The following HMG20A variants were observed in gnomAD, a reference collection of about 807,000 sequenced individuals.
HMG20A encodes high mobility group protein 20A.
HMG20A carries 17 observed loss-of-function variants against 43.9 expected under a neutral mutation model. The observed-to-expected ratio is 0.39, with a 90% CI of 0.27 to 0.58. The LOEUF is 0.58. HMG20A is among the 20% of genes least tolerant of loss of function. The probability of loss-of-function intolerance (pLI) is 0.59; values close to 1 mark genes in which losing one functional copy is unlikely to be tolerated. For synonymous variants in HMG20A, 132 were observed against 147.5 expected, an observed-to-expected ratio of 0.89 and a Z score of 0.76; for missense variants, 341 against 438.2, an observed-to-expected ratio of 0.78 and a Z score of 1.98.
At position 77,480,655 on chromosome 15, in the gene HMG20A, C is replaced by CA. The variant is rs1283631549; in HGVS notation, c.*6+1340dup. Among the ~76,000 whole-genome samples the CA allele has an allele frequency of 3.5e-5, 5 of 143,354 alleles. No homozygotes were observed. The South Asian group carries it at 8.9e-4, about 26-fold the overall frequency. The allele number at this position is 143,354 out of a possible 152,430, so 94.0% of individuals were successfully genotyped here. ...ATAAAAATATAAAATTCTCAATAAG[C>CA]AAAAAAGAGAGAGAAAATAAGTTTT... On this transcript the variant is annotated intron_variant, in intron 9 of 9. Transcript: ENST00000336216.
the HMG20A span, among the ~76,000 whole-genome samples, chr15:77,498,616 G>A: frequency 6.6e-6 from 1 of 152,286 alleles, no homozygotes; most frequent in African/African-American, 2.4e-5. Context: ...ATCCGGTTCT[G>A]CCGCTTGTTA....
chr15:77,471,835 A>T (rs1324839589), intron 6 of HMG20A, 21 bp downstream of exon 6: 1 of 1,387,028 alleles, frequency 7.2e-7, no homozygotes, highest in East Asian at 2.3e-5. Flanking sequence ...ATCTGTCTAC[A>T]TATCATATAT....
chr15:77,519,460 C>A, the HMG20A span, among the ~76,000 whole-genome samples: 1 of 152,264 alleles, frequency 6.6e-6, no homozygotes, highest in African/African-American at 2.4e-5. Context: ...GAACTTGATC[C>A]CCAGTGTGAT....
chr15:77,512,261 G>A, the HMG20A span, among the ~76,000 whole-genome samples: 2 of 152,074 alleles, frequency 1.3e-5, no homozygotes, highest in African/African-American at 4.8e-5. Context: ...GGTGGGGGGA[G>A]GAGGCATTGT....
intron 1 of HMG20A, among the ~76,000 whole-genome samples, chr15:77,426,449 A>T (rs943706012): frequency 6.6e-6 from 1 of 152,198 alleles, no homozygotes; most frequent in Non-Finnish European, 1.5e-5. Flanking sequence ...TAAGAAAATG[A>T]TAAGGAAGAA....
At chr15:77,453,618 A>C (rs751710545) in intron 1 of HMG20A, among the ~76,000 whole-genome samples, 6 of 152,266 alleles carry the variant, frequency 3.9e-5, no homozygotes, top group Non-Finnish European at 8.8e-5. Flanking sequence ...AAAAATTTAT[A>C]CACAAATGTT....
At chr15:77,422,703 T>C (rs2073383707) in intron 1 of HMG20A, among the ~76,000 whole-genome samples, 1 of 152,178 alleles carries the variant, frequency 6.6e-6, no homozygotes, top group Admixed American at 6.5e-5. Context: ...AAAAAATACA[T>C]GTTTTAATCT....
intron 2 of HMG20A, among the ~76,000 whole-genome samples, chr15:77,462,994 ACTC>A (rs1454134804): frequency 1.3e-5 from 2 of 150,502 alleles, no homozygotes; most frequent in Non-Finnish European, 3.0e-5. Context: ...CTGGCTTTGA[ACTC>A]CTGACCTCAA....
chr15:77,466,904 G>C (rs1207841646), intron 3 of HMG20A, among the ~76,000 whole-genome samples, 191 bp from the exon 4 acceptor site: 1 of 152,222 alleles, frequency 6.6e-6, no homozygotes, highest in Non-Finnish European at 1.5e-5. Flanking sequence ...AGCATCTGGA[G>C]TTCCTCAAAA....
intron 1 of HMG20A, among the ~76,000 whole-genome samples, chr15:77,449,218 C>G (rs897297256): frequency 1.3e-4 from 20 of 152,060 alleles, no homozygotes; most frequent in East Asian, 5.8e-4. Context: ...ATGTTTAGAC[C>G]CTAATTGCCT....
At chr15:77,518,813 G>A in the HMG20A span, among the ~76,000 whole-genome samples, 6 of 152,226 alleles carry the variant, frequency 3.9e-5, no homozygotes, top group Admixed American at 2.0e-4. Context: ...CCCACAGGCT[G>A]TCCAAAGGGA....
At chr15:77,461,362 G>A (rs1456631984) in intron 2 of HMG20A, among the ~76,000 whole-genome samples, 1 of 152,128 alleles carries the variant, frequency 6.6e-6, no homozygotes, top group Non-Finnish European at 1.5e-5. Context: ...GTGGGATGGA[G>A]TTTTTTTCTT....
intron 1 of HMG20A, among the ~76,000 whole-genome samples, chr15:77,422,059 C>A (rs971448110): frequency 6.6e-6 from 1 of 152,150 alleles, no homozygotes; most frequent in Admixed American, 6.5e-5. Context: ...ATATGTGAGG[C>A]GGTAATAAAC....
At chr15:77,460,889 G>A (rs116981387) in intron 2 of HMG20A, among the ~76,000 whole-genome samples, 30,993 of 152,120 alleles carry the variant, frequency 0.2, 3,939 homozygotes, top group Middle Eastern at 0.29. Context: ...GGGAGGTTGA[G>A]GCAGGAAAAT....
At chr15:77,498,664 G>C in the HMG20A span, among the ~76,000 whole-genome samples, 2 of 152,232 alleles carry the variant, frequency 1.3e-5, no homozygotes, top group Non-Finnish European at 1.5e-5. Flanking sequence ...CTCAGCTCCT[G>C]GAGACATTTT....
downstream of HMG20A, among the ~76,000 whole-genome samples, chr15:77,488,273 T>C (rs2072955764): frequency 6.6e-6 from 1 of 152,214 alleles, no homozygotes; most frequent in South Asian, 2.1e-4. Context: ...CCAGAGTTTT[T>C]TATACCAACT....
At chr15:77,462,104 T>C (rs1362929653) in intron 2 of HMG20A, among the ~76,000 whole-genome samples, 1 of 152,204 alleles carries the variant, frequency 6.6e-6, no homozygotes, top group Non-Finnish European at 1.5e-5. Context: ...CCTGTTTTCA[T>C]CCATTTCTCG....
At position 77,432,215 on chromosome 15, in the gene HMG20A, C is replaced by A. The variant is rs549319745; in HGVS notation, c.-5+11211C>A. Among the ~76,000 whole-genome samples, 179 of 152,176 alleles carry A rather than the reference C, an allele frequency of 1.2e-3. 1 individual carries two copies. The highest frequency in any genetic ancestry group is 1.1e-3 in the Non-Finnish European group (78 of 67,994). On this transcript the variant is annotated intron_variant, in intron 1 of 9. Transcript: ENST00000336216. Reference sequence around the variant, plus strand: ...CTAGAAATCACGATGGCAATTAGAACACATTTACAACAGCGTGATTATGAA... The same window carrying A: ...CTAGAAATCACGATGGCAATTAGAAAACATTTACAACAGCGTGATTATGAA...
At chr15:77,501,636 C>G in the HMG20A span, among the ~76,000 whole-genome samples, 1 of 152,214 alleles carries the variant, frequency 6.6e-6, no homozygotes, top group South Asian at 2.1e-4. Context: ...GCTCTAGATT[C>G]AGATATGTGA....
Sources: allele counts gnomAD v4.1 joint callset (sites outside exome capture counted in the v4.1 genomes callset), GRCh38; gene constraint gnomAD v4.1.1; transcripts MANE v1.5; gene names NCBI Gene and HGNC (gene_info 2026-07-23, HGNC 2026-07-21).